Variants in CALN1 observed in about 807,000 individuals in gnomAD.
CALN1 encodes calcium-binding protein 8.
CALN1 carries 17 observed loss-of-function variants against 30.6 expected under a neutral mutation model. The observed-to-expected ratio is 0.56, with a 90% CI of 0.38 to 0.83. CALN1 has a LOEUF of 0.83. CALN1 is among the 40% of genes least tolerant of loss of function. CALN1 has a pLI of 0.00. For missense variants in CALN1, 291 were observed against 354.9 expected (o/e 0.82, Z 1.45); for synonymous variants, 156 against 131.4 (o/e 1.19, Z -1.28).
At chr7:72,256,731 C>CA (rs1281003681) in intron 3 of CALN1, among the ~76,000 whole-genome samples, 10 of 152,250 alleles carry the variant, frequency 6.6e-5, no homozygotes, top group Non-Finnish European at 1.2e-4. Flanking sequence ...CTCAGCCTTC[C>CA]AAAGTGCTGG....
At chr7:71,847,962 T>C (rs994865432) in intron 5 of CALN1, among the ~76,000 whole-genome samples, 4 of 152,154 alleles carry the variant, frequency 2.6e-5, no homozygotes, top group Non-Finnish European at 5.9e-5. Context: ...TCCCCAGCCA[T>C]GTGGAACTGT....
intron 2 of CALN1, among the ~76,000 whole-genome samples, chr7:72,385,866 C>G (rs1395742176): frequency 6.6e-6 from 1 of 152,194 alleles, no homozygotes; most frequent in African/African-American, 2.4e-5. Context: ...CCTCCCTGAC[C>G]ATGCAAAACT....
At chr7:72,394,107 G>T (rs1180695121) in intron 2 of CALN1, among the ~76,000 whole-genome samples, 1 of 152,120 alleles carries the variant, frequency 6.6e-6, no homozygotes, top group Non-Finnish European at 1.5e-5. Flanking sequence ...TATGTATGGT[G>T]GAGTGCAGAA....
the CALN1 span, among the ~76,000 whole-genome samples, chr7:72,492,832 C>A: frequency 6.6e-6 from 1 of 152,226 alleles, no homozygotes; most frequent in East Asian, 1.9e-4. Context: ...CCTGCTGGCA[C>A]ATGCTATCCA....
intron 2 of CALN1, among the ~76,000 whole-genome samples, chr7:72,281,622 C>T (rs564531190): frequency 6.6e-6 from 1 of 152,202 alleles, no homozygotes; most frequent in Non-Finnish European, 1.5e-5. Context: ...TGGAAAGACA[C>T]CTGCTCTGTT....
intron 2 of CALN1, among the ~76,000 whole-genome samples, chr7:72,289,308 C>T (rs1798314001): frequency 6.6e-6 from 1 of 152,180 alleles, no homozygotes; most frequent in Admixed American, 6.5e-5. Context: ...GACTGGTTCA[C>T]CCAAAAGCTA....
intron 6 of CALN1, among the ~76,000 whole-genome samples, chr7:71,799,455 TTAGTTAG>T (rs1562789506): frequency 1.9e-3 from 197 of 102,254 alleles, no homozygotes; most frequent in African/African-American, 7.7e-3. Context: ...ATTTATTTAG[TTAGTTAG>T]TTAGTTAGTT....
rs542945605 is a variant in CALN1 at position 72,197,334 on chromosome 7, T to C, written c.244+81352A>G. Among the ~76,000 whole-genome samples the C allele has an allele frequency of 2.8e-4, 43 of 152,180 alleles. No homozygotes were observed. In the South Asian group the frequency reaches 3.1e-3, roughly 11 times the overall value. On this transcript the variant is annotated intron_variant, in intron 3 of 6. Coordinates refer to ENST00000395275, the MANE Select transcript of CALN1 (RefSeq NM_031468.4). ...CTTCTGCCTCAGCCTTCTGAGTAGCTGGGATTACAGGCGCACACCACCACG... is the reference window on the plus strand; with the variant it reads ...CTTCTGCCTCAGCCTTCTGAGTAGCCGGGATTACAGGCGCACACCACCACG...
chr7:71,815,024 G>A (rs1472842312), intron 5 of CALN1, among the ~76,000 whole-genome samples: 5 of 151,900 alleles, frequency 3.3e-5, no homozygotes, highest in Middle Eastern at 3.2e-3. Flanking sequence ...TAGTAGAGAC[G>A]GAGTTTCACC....
At chr7:71,976,995 C>T (rs1798132240) in intron 5 of CALN1, among the ~76,000 whole-genome samples, 1 of 152,154 alleles carries the variant, frequency 6.6e-6, no homozygotes, top group Non-Finnish European at 1.5e-5. Flanking sequence ...CCACCCGAAC[C>T]TTTTCTAATA....
intron 5 of CALN1, among the ~76,000 whole-genome samples, chr7:71,925,476 T>TATTTTTTGGG (rs1189386505): frequency 8.5e-6 from 1 of 117,254 alleles, no homozygotes; most frequent in Non-Finnish European, 2.0e-5. Context: ...ACCCCCCTCC[T>TATTTTTTGGG]ATTTTTTGGG....
At chr7:72,451,667 C>T (rs1369912519), upstream of CALN1, among the ~76,000 whole-genome samples, 2 of 152,260 alleles carry the variant, frequency 1.3e-5, no homozygotes, top group Admixed American at 6.5e-5. Context: ...CATTGGCACC[C>T]CTTTGGCCCA....
chr7:71,887,842 T>C (rs1271147267), intron 5 of CALN1, among the ~76,000 whole-genome samples: 4 of 151,942 alleles, frequency 2.6e-5, no homozygotes, highest in African/African-American at 2.4e-5. Context: ...AAGGCTTACT[T>C]TGAATTACAC....
intron 5 of CALN1, among the ~76,000 whole-genome samples, chr7:72,004,608 T>C (rs1474175051): frequency 6.6e-6 from 1 of 152,000 alleles, no homozygotes; most frequent in African/African-American, 2.4e-5. Context: ...AACTACACAC[T>C]TGCAGAAGAC....
intron 3 of CALN1, among the ~76,000 whole-genome samples, chr7:72,261,149 A>T (rs1190828101): frequency 1.3e-5 from 2 of 152,156 alleles, no homozygotes; most frequent in African/African-American, 4.8e-5. Context: ...TCTACAAAAA[A>T]TTACAAAAAT....
upstream of CALN1, among the ~76,000 whole-genome samples, chr7:72,448,507 C>T (rs879571416): frequency 3.3e-5 from 5 of 152,126 alleles, no homozygotes; most frequent in African/African-American, 9.7e-5. Flanking sequence ...TGGCTAAGAC[C>T]GCCACACCTC....
chr7:72,096,042 A>AAGAAAGATAGAT (rs373832583), intron 4 of CALN1, among the ~76,000 whole-genome samples: 1 of 143,078 alleles, frequency 7.0e-6, no homozygotes, highest in Non-Finnish European at 1.5e-5. Flanking sequence ...TTGTCTCTAA[A>AAGAAAGATAGAT]AGATAGATAG....
chr7:71,794,294 C>T (rs571396585), intron 6 of CALN1, among the ~76,000 whole-genome samples: 9 of 152,272 alleles, frequency 5.9e-5, no homozygotes, highest in South Asian at 2.1e-4. Context: ...CTTCAAACAC[C>T]GAGTGTGGTG....
chr7:72,053,247 A>T (rs190705205), intron 4 of CALN1, among the ~76,000 whole-genome samples: 1 of 152,180 alleles, frequency 6.6e-6, no homozygotes, highest in African/African-American at 2.4e-5. Flanking sequence ...AAACAAACAA[A>T]GGAATATGTG....
Sources: allele counts gnomAD v4.1 joint callset (sites outside exome capture counted in the v4.1 genomes callset), GRCh38; gene constraint gnomAD v4.1.1; transcripts MANE v1.5; gene names NCBI Gene and HGNC (gene_info 2026-07-23, HGNC 2026-07-21).